Variants in GSTM4 observed in about 807,000 individuals in gnomAD.
The protein encoded by GSTM4 is glutathione S-transferase mu 4.
A neutral mutation model predicts 30.1 loss-of-function variants in GSTM4; 27 were observed. The observed-to-expected ratio is 0.90, with a 90% CI of 0.66 to 1.24. GSTM4 has a LOEUF of 1.24. GSTM4 is among the 50% of genes most tolerant of loss of function. The probability of loss-of-function intolerance (pLI) is 0.00; values close to 1 mark genes in which losing one functional copy is unlikely to be tolerated. For synonymous variants in GSTM4, 94 were observed against 96.2 expected (o/e 0.98, Z 0.13); for missense variants, 238 against 272.1 (o/e 0.87, Z 0.88).
At chr1:109,666,538 C>T (rs1466732335), downstream of GSTM4, among the ~76,000 whole-genome samples, 1 of 152,148 alleles carries the variant, frequency 6.6e-6, no homozygotes, top group African/African-American at 2.4e-5. Flanking sequence ...CATTTCCCTG[C>T]CCAATTCTCC....
intron 1 of GSTM4, 88 bp downstream of exon 1, chr1:109,656,513 C>G: frequency 1.4e-6 from 2 of 1,420,598 alleles, no homozygotes; most frequent in South Asian, 2.3e-5. Context: ...ACGGTTCCCT[C>G]CTTAGGGCTA....
intron 5 of GSTM4, chr1:109,658,527 G>C (rs1178062895): frequency 2.3e-6 from 1 of 431,594 alleles, no homozygotes; most frequent in Non-Finnish European, 4.2e-6. Flanking sequence ...GAGCCTGCCA[G>C]GTACTCAGGT....
downstream of GSTM4, among the ~76,000 whole-genome samples, chr1:109,664,016 G>A (rs1256240679): frequency 6.6e-6 from 1 of 152,174 alleles, no homozygotes; most frequent in African/African-American, 2.4e-5. Context: ...TACACTCTTA[G>A]GTTCTGCAGT....
At chr1:109,665,038 A>G (rs369874746), downstream of GSTM4, 8 of 1,546,314 alleles carry the variant, frequency 5.2e-6, no homozygotes, top group African/African-American at 9.5e-5. Flanking sequence ...GTGATGGTCA[A>G]TTTTCTGCAT....
In GSTM4 at chr1:109,656,421, G is replaced by C; in HGVS notation, c.32G>C (p.Arg11Pro). 1 of 1,614,036 alleles carries C rather than the reference G, an allele frequency of 6.2e-7. No individual in the cohort carries two copies. The highest frequency in any genetic ancestry group is 8.5e-7 in the Non-Finnish European group (1 of 1,179,908). MSMTLGYWDIRGLAHAIRLLL... is the reference protein window; with the variant it reads MSMTLGYWDIPGLAHAIRLLL... The stretch of plus-strand genomic sequence containing the variant: ...ATGACACTGGGGTACTGGGACATCC[G>C]CGGGGTGAGTGAGGGTCCGCTGCAC... The change falls in exon 1 of 8, where the codon CGC (arginine) becomes CCC (proline). Residue 11 changes from arginine to proline, a missense_variant. Transcript: ENST00000369836.
Position 109,657,874 on chromosome 1 carries a change from T to G in GSTM4, c.360+2T>G, listed in dbSNP as rs769457302. The G allele has an allele frequency of 6.2e-7, 1 of 1,613,418 alleles. No homozygotes were observed. Among genetic ancestry groups the G allele is most frequent in the Non-Finnish European group, 8.5e-7 (1 of 1,179,314 alleles). Reference sequence around the variant, plus strand: ...AGAGTCTGCTACAGCCCTGACTTTGTGAGTCCCTCCCTGGTCTGGACCAGA... The same window carrying G: ...AGAGTCTGCTACAGCCCTGACTTTGGGAGTCCCTCCCTGGTCTGGACCAGA... On this transcript the variant is annotated splice_donor_variant, in intron 5 of 7. Transcript: ENST00000369836. LOFTEE classifies it high-confidence loss of function.
chr1:109,665,081 C>A, downstream of GSTM4: 1 of 1,072,542 alleles, frequency 9.3e-7, no homozygotes, highest in Non-Finnish European at 1.5e-6. Flanking sequence ...GCTCAGATGG[C>A]AGGTAAAATC....
intron 3 of GSTM4, 118 bp downstream of exon 3, chr1:109,657,397 C>A (rs1652064934): frequency 1.4e-6 from 2 of 1,455,818 alleles, no homozygotes; most frequent in Non-Finnish European, 1.9e-6. Flanking sequence ...CCTCTCACTC[C>A]TGGTTGTCTA....
intron 7 of GSTM4, chr1:109,659,655 C>G (rs994351701): frequency 2.8e-6 from 1 of 352,418 alleles, no homozygotes. Flanking sequence ...GTGGGGAATC[C>G]TGAGAGCCAG....
In GSTM4 at chr1:109,659,871, G is replaced by A. The variant is rs140333599; in HGVS notation, c.567+761G>A. 6.8e-3 allele frequency: 3,766 copies of A among 551,190 alleles called. 126 individuals carry two copies. The highest frequency in any genetic ancestry group is 0.066 in the African/African-American group (3,427 of 51,580). 34.1% of individuals were successfully genotyped at this position (551,190 alleles called of 1,614,324 possible). On this transcript the variant is annotated intron_variant, in intron 7 of 7. Transcript: ENST00000369836. ...CGACCTTCTCCTCTGCATGAGGCAGGGTGTGAGGCACAGTGGGAGTTGCAT... is the reference window on the plus strand; with the variant it reads ...CGACCTTCTCCTCTGCATGAGGCAGAGTGTGAGGCACAGTGGGAGTTGCAT...
chr1:109,656,550 CTGTGTGTGTGTGTGTGTG>C lies in GSTM4; in HGVS notation c.37-139_37-122del, dbSNP rs57680849. 32 of 532,090 alleles carry C rather than the reference CTGTGTGTGTGTGTGTGTG, an allele frequency of 6.0e-5. No homozygotes were observed. In the East Asian group the frequency reaches 6.4e-4, roughly 11 times the overall value. The allele number at this position is 532,090 out of a possible 1,614,324, so 33.0% of individuals were successfully genotyped here. On this transcript the variant is annotated intron_variant, in intron 1 of 7. Coordinates refer to ENST00000369836, the MANE Select transcript of GSTM4 (RefSeq NM_000850.5). ...CTCTCACAGGAGGGCCTGTGCATGC[CTGTGTGTGTGTGTGTGTG>C]TGTGTGTGTGTGTGTGTGTGTGCGT...
chr1:109,657,901 GC>G, intron 5 of GSTM4, 29 bp downstream of exon 5: 4 of 1,591,490 alleles, frequency 2.5e-6, no homozygotes, highest in Non-Finnish European at 3.5e-6. Flanking sequence ...TGGACCAGAA[GC>G]CAGGCTTGTA....
At chr1:109,656,503 A>C in intron 1 of GSTM4, 78 bp downstream of exon 1, 4 of 1,457,122 alleles carry the variant, frequency 2.7e-6, no homozygotes, top group Non-Finnish European at 3.8e-6. Context: ...GGCTCTAGGG[A>C]CGGTTCCCTC....
chr1:109,657,335 A>C (rs1030682846), intron 3 of GSTM4, 56 bp downstream of exon 3: 21 of 1,595,442 alleles, frequency 1.3e-5, no homozygotes, highest in Non-Finnish European at 1.7e-5. Context: ...CTCTGACTGC[A>C]TCTCCTCTCC....
In GSTM4 at chr1:109,657,486, G is replaced by C. The variant is rs776926019; in HGVS notation, c.178-104G>C. ...TTTCTATGTCAGGCCTGCCATGAGCGGGCACAGTGAGTGCCTGGTCTCCCC... is the reference window on the plus strand; with the variant it reads ...TTTCTATGTCAGGCCTGCCATGAGCCGGCACAGTGAGTGCCTGGTCTCCCC... On this transcript the variant is annotated intron_variant, in intron 3 of 7. Coordinates refer to ENST00000369836, the MANE Select transcript of GSTM4 (RefSeq NM_000850.5). 6 of 1,526,762 alleles carry C rather than the reference G, an allele frequency of 3.9e-6. No homozygotes were observed. The South Asian group carries it at 5.6e-5, about 14-fold the overall frequency. 94.6% of individuals were successfully genotyped at this position (1,526,762 alleles called of 1,614,324 possible).
rs750110821 is a variant in GSTM4 at position 109,657,299 on chromosome 1, C to T, written c.177+20C>T. The T allele has an allele frequency of 6.3e-5, 101 of 1,611,186 alleles. No individual in the cohort carries two copies. Among genetic ancestry groups the T allele is most frequent in the Middle Eastern group, 2.2e-4 (1 of 4,578 alleles). On this transcript the variant is annotated intron_variant, in intron 3 of 7. Transcript: ENST00000369836. Reference sequence around the variant, plus strand: ...CCCAATGTAGGTGCAGGGGAAGGGGCGGTTTTGGGGGAAAGTGCGACGTGT... The same window carrying T: ...CCCAATGTAGGTGCAGGGGAAGGGGTGGTTTTGGGGGAAAGTGCGACGTGT...
At chr1:109,660,908 T>C (rs1652280372) in intron 7 of GSTM4, 1 of 507,364 alleles carries the variant, frequency 2.0e-6, no homozygotes, top group South Asian at 2.5e-5. Context: ...GTAATTTCTC[T>C]TGGGTACAGA....
chr1:109,659,645 G>C, intron 7 of GSTM4: 1 of 353,512 alleles, frequency 2.8e-6, no homozygotes, highest in South Asian at 2.4e-5. Context: ...AGACCCCCAC[G>C]TGGGGAATCC....
rs567031299 is a variant in GSTM4 at position 109,656,587 on chromosome 1, T to TGTGTGTGCGC, written c.37-122_37-121insTGTGCGCGTG. On this transcript the variant is annotated intron_variant, in intron 1 of 7. Coordinates refer to ENST00000369836, the MANE Select transcript of GSTM4 (RefSeq NM_000850.5). ...GTGTGTGTGTGTGTGTGTGTGTGTG[T>TGTGTGTGCGC]GTGCGTGCGCCGGGGTGGGGGGGGG... 20 of 602,046 alleles carry TGTGTGTGCGC rather than the reference T, an allele frequency of 3.3e-5. No individual in the cohort carries two copies. The African/African-American group carries it at 6.3e-4, about 19-fold the overall frequency. The allele number at this position is 602,046 out of a possible 1,614,324, so 37.3% of individuals were successfully genotyped here.
Sources: allele counts gnomAD v4.1 joint callset (sites outside exome capture counted in the v4.1 genomes callset), GRCh38; gene constraint gnomAD v4.1.1; transcripts MANE v1.5; gene names NCBI Gene and HGNC (gene_info 2026-07-23, HGNC 2026-07-21).